The following EFS variants were observed in gnomAD, a reference collection of about 807,000 sequenced individuals.
EFS encodes Cas scaffolding protein family member 3.
A neutral mutation model predicts 42.2 loss-of-function variants in EFS; 34 were observed. The ratio of observed to expected loss-of-function variants is 0.81; its 90% confidence interval spans 0.61 to 1.07. EFS has a LOEUF of 1.07. Among genes scored for constraint, EFS ranks in the 50% least tolerant of loss-of-function variants. The probability of loss-of-function intolerance (pLI) is 0.00; values close to 1 mark genes in which losing one functional copy is unlikely to be tolerated. For missense variants in EFS, 717 were observed against 729.4 expected (o/e 0.98, Z 0.20); for synonymous variants, 299 against 320.7 (o/e 0.93, Z 0.72).
At position 23,357,484 on chromosome 14, in the gene EFS, C is replaced by A. The variant is rs1185549314; in HGVS notation, c.1428G>T (p.Arg476Ser). 1 of 1,613,932 alleles carries A rather than the reference C, an allele frequency of 6.2e-7. No homozygotes were observed. Among genetic ancestry groups the A allele is most frequent in the Non-Finnish European group, 8.5e-7 (1 of 1,180,024 alleles). Residue 476 changes from arginine (R) to serine (S), a missense_variant, in exon 6 of 6, where the codon AGG (arginine) becomes AGT (serine). Coordinates refer to ENST00000216733, the MANE Select transcript of EFS (RefSeq NM_005864.4). ...PPRLFVPHSK[R>S]VVVAAHRLVF... ...CCAGGCGATGAGCAGCCACCACCAC[C>A]CTCTTGCTGTGGGGCACGAAAAGGC...
intron 1 of EFS, among the ~76,000 whole-genome samples, chr14:23,362,029 G>C (rs187226892): frequency 6.7e-6 from 1 of 148,628 alleles, no homozygotes; most frequent in Non-Finnish European, 1.5e-5. Flanking sequence ...CTACTTAAAA[G>C]AAAGAGTAGT....
chr14:23,360,548 C>T lies in EFS; in HGVS notation c.297+7G>A. On this transcript the variant is annotated splice_region_variant and intron_variant, in intron 2 of 5. Transcript: ENST00000216733. The stretch of plus-strand genomic sequence containing the variant: ...TGGCTTGGGGTTGGGGAGGCTCCCA[C>T]TCTCACCTCCTGGTCCTCATTGCTG... 6.5e-7 allele frequency: 1 copy of T among 1,529,344 alleles called. No homozygotes were observed. Among genetic ancestry groups the T allele is most frequent in the Non-Finnish European group, 8.8e-7 (1 of 1,138,240 alleles). The allele number at this position is 1,529,344 out of a possible 1,614,324, so 94.7% of individuals were successfully genotyped here. A position where few individuals can be genotyped will look rare whatever the true frequency, so the allele number is the denominator to read the frequency against.
intron 4 of EFS, 59 bp from the exon 5 acceptor site, chr14:23,359,024 G>T: frequency 6.8e-7 from 1 of 1,476,844 alleles, no homozygotes; most frequent in Non-Finnish European, 9.2e-7. Context: ...GGTGGCCTCT[G>T]TGGCCTTTCT....
rs140113420 is a variant in EFS, at chr14:23,358,885, C to T, written c.1242G>A (p.Pro414=). The T allele has an allele frequency of 1.0e-4, 161 of 1,611,634 alleles. No individual in the cohort carries two copies. The highest frequency in any genetic ancestry group is 1.7e-4 in the Middle Eastern group (1 of 6,054). ...TTCCCGCCAGGGTCACCTGCGGCGCCGGCATCCCCCTCTCGGGCAGTTCAG... is the reference window on the plus strand; with the variant it reads ...TTCCCGCCAGGGTCACCTGCGGCGCTGGCATCCCCCTCTCGGGCAGTTCAG... ...GDPELPERGM[P]APQEALSPGE... is the part of the protein sequence containing the mutation. The change falls in exon 5 of 6, where the codon CCG becomes CCA. Residue 414 remains proline (P), a synonymous_variant. Coordinates refer to ENST00000216733, the MANE Select transcript of EFS (RefSeq NM_005864.4).
intron 3 of EFS, 51 bp from the exon 4 acceptor site, chr14:23,360,090 T>G: frequency 6.2e-7 from 1 of 1,614,090 alleles, no homozygotes; most frequent in Non-Finnish European, 8.5e-7. Context: ...GAACCCTCCC[T>G]TGGGGCCATT....
In EFS at chr14:23,356,663, G is replaced by A. The variant is rs1889915621; in HGVS notation, c.*563C>T. 1 of 152,198 alleles carries A rather than the reference G, an allele frequency of 6.6e-6. No homozygotes were observed. The highest frequency in any genetic ancestry group is 1.5e-5 in the Non-Finnish European group (1 of 68,044). 9.4% of individuals were successfully genotyped at this position (152,198 alleles called of 1,614,324 possible). A position where few individuals can be genotyped will look rare whatever the true frequency, so the allele number is the denominator to read the frequency against. Reference sequence around the variant, plus strand: ...TGCTCCCAAGAAGCAGAGTCAGGGAGGCAGACAGCAGGGTTTATTAAGGTG... The same window carrying A: ...TGCTCCCAAGAAGCAGAGTCAGGGAAGCAGACAGCAGGGTTTATTAAGGTG... On this transcript the variant is annotated 3_prime_UTR_variant, in exon 6 of 6. Transcript: ENST00000216733.
At position 23,357,357 on chromosome 14, in the gene EFS, C is replaced by G. The variant is rs1271508125; in HGVS notation, c.1555G>C (p.Val519Leu). ...TALGQALRAT[V>L]LAVKGAALGY... The stretch of plus-strand genomic sequence containing the variant: ...AGGGCAGCTCCCTTGACAGCCAGCA[C>G]AGTGGCCCGCAATGCCTGGCCCAGT... The change falls in exon 6 of 6, where the codon GTG (valine) becomes CTG (leucine). Residue 519 changes from valine to leucine, a missense_variant. Physicochemically the swap from Val to Leu is conservative, Grantham distance 32 (BLOSUM62 1). Transcript: ENST00000216733. 6.2e-7 allele frequency: 1 copy of G among 1,611,336 alleles called. No homozygotes were observed. Among genetic ancestry groups the G allele is most frequent in the Non-Finnish European group, 8.5e-7 (1 of 1,178,000 alleles).
chr14:23,358,852 T>C, intron 5 of EFS, 24 bp downstream of exon 5: 1 of 1,596,046 alleles, frequency 6.3e-7, no homozygotes, highest in Non-Finnish European at 8.5e-7. Flanking sequence ...TCCCCTTCTC[T>C]AGCACCATTC....
intron 1 of EFS, among the ~76,000 whole-genome samples, chr14:23,361,148 T>G (rs1000118659): frequency 6.6e-6 from 1 of 152,248 alleles, no homozygotes; most frequent in Non-Finnish European, 1.5e-5. Flanking sequence ...ATTTGCTTCT[T>G]TTGTATCGAT....
At chr14:23,358,993 CGGGG>C in intron 4 of EFS, 28 bp from the exon 5 acceptor site, 1 of 1,583,884 alleles carries the variant, frequency 6.3e-7, no homozygotes, top group Non-Finnish European at 8.6e-7. Flanking sequence ...GTCTCAGTGT[CGGGG>C]TGGGGGAGCA....
chr14:23,359,278 C>A (rs1205680568), intron 4 of EFS, 39 bp downstream of exon 4: 1 of 1,611,554 alleles, frequency 6.2e-7, no homozygotes, highest in Admixed American at 1.7e-5. Context: ...CTTGGTCCCT[C>A]TGGGGTCCCT....
At position 23,359,666 on chromosome 14, in the gene EFS, G is replaced by T. The variant is rs755594315; in HGVS notation, c.812C>A (p.Ala271Asp). 4.0e-6 allele frequency: 6 copies of T among 1,508,718 alleles called. No homozygotes were observed. Among genetic ancestry groups the T allele is most frequent in the African/African-American group, 2.8e-5 (2 of 71,050 alleles). 93.5% of individuals were successfully genotyped at this position (1,508,718 alleles called of 1,614,324 possible). ...EAPPSPEPPGALASHDQDTLA... is the reference protein window; with the variant it reads ...EAPPSPEPPGDLASHDQDTLA... ...GGTGTCCTGGTCATGGGAGGCCAAG[G>T]CTCCAGGGGGCTCTGGAGAAGGGGG... Residue 271 changes from alanine (A) to aspartate (D), a missense_variant, in exon 4 of 6, where the codon GCC (alanine) becomes GAC (aspartate). By Grantham distance (126) the Ala-to-Asp change is moderately radical (BLOSUM62 -2). Coordinates refer to ENST00000216733, the MANE Select transcript of EFS (RefSeq NM_005864.4).
chr14:23,363,432 A>G (rs938252763), intron 1 of EFS, among the ~76,000 whole-genome samples: 2 of 152,130 alleles, frequency 1.3e-5, no homozygotes, highest in Non-Finnish European at 2.9e-5. Flanking sequence ...AATAAATAAT[A>G]GCTGTTATTA....
chr14:23,357,266 G>T lies in EFS; in HGVS notation c.1646C>A (p.Ala549Asp). 1.3e-6 allele frequency: 2 copies of T among 1,579,816 alleles called. No homozygotes were observed. Among genetic ancestry groups the T allele is most frequent in the Non-Finnish European group, 1.7e-6 (2 of 1,156,590 alleles). The change falls in exon 6 of 6, where the codon GCC (alanine) becomes GAC (aspartate). Residue 549 changes from alanine (A) to aspartate (D), a missense_variant. Physicochemically the swap from Ala to Asp is moderately radical, Grantham distance 126. Coordinates refer to ENST00000216733, the MANE Select transcript of EFS (RefSeq NM_005864.4). ...AGTGAGCAGGGTAGTGAATTGCAGG[G>T]CCTGCCCTGCCAGTTCTGTTACACA... ...VQCVTELAGQ[A>D]LQFTTLLTSL...
intron 1 of EFS, among the ~76,000 whole-genome samples, chr14:23,364,534 C>T (rs373143050): frequency 1.2e-4 from 18 of 152,160 alleles, no homozygotes; most frequent in African/African-American, 4.1e-4. Context: ...CTCCTTTGCT[C>T]TATCTCCCTT....
chr14:23,359,382 C>G lies in EFS; in HGVS notation c.1096G>C (p.Ala366Pro). The change falls in exon 4 of 6, where the codon GCA (alanine) becomes CCA (proline). Residue 366 changes from alanine (A) to proline (P), a missense_variant. Transcript: ENST00000216733. Reference protein sequence around the residue: ...PEGREMEDDPAGHHNEYEGIP... With the variant: ...PEGREMEDDPPGHHNEYEGIP... ...CCCTCGTACTCATTGTGGTGTCCTG[C>G]TGGGTCATCCTCCATCTCCCTGCCC... 1 of 1,612,814 alleles carries G rather than the reference C, an allele frequency of 6.2e-7. No individual in the cohort carries two copies. The highest frequency in any genetic ancestry group is 8.5e-7 in the Non-Finnish European group (1 of 1,179,878).
In EFS at chr14:23,365,133, C is replaced by A. The variant is rs950510992; in HGVS notation, c.-108G>T. ...CGGCCTCTAGCCCCCAGCTGTGGCG[C>A]CTGAGTCGTGGCCTCCGCCAAGGTT... On this transcript the variant is annotated 5_prime_UTR_variant, in exon 1 of 6. Coordinates refer to ENST00000216733, the MANE Select transcript of EFS (RefSeq NM_005864.4). This position sits in a 1 kb window ranked among gnomAD's most constrained non-coding sequence, Gnocchi z 5.3. 1.1e-5 allele frequency: 12 copies of A among 1,085,986 alleles called. No individual in the cohort carries two copies. The highest frequency in any genetic ancestry group is 1.4e-5 in the Non-Finnish European group (12 of 840,596). 67.3% of individuals were successfully genotyped at this position (1,085,986 alleles called of 1,614,324 possible).
chr14:23,363,549 T>C (rs531768108), intron 1 of EFS, among the ~76,000 whole-genome samples: 3 of 152,324 alleles, frequency 2.0e-5, no homozygotes, highest in African/African-American at 7.2e-5. Context: ...AGTATCTCTA[T>C]GCCAGAGTAC....
At position 23,360,628 on chromosome 14, in the gene EFS, C is replaced by T; in HGVS notation, c.224G>A (p.Ser75Asn). ...CTGGGCTGGGGACGCAGGAGAGAGGCTGGGCTTGGGTGCTGGGCCAGCAGG... is the reference window on the plus strand; with the variant it reads ...CTGGGCTGGGGACGCAGGAGAGAGGTTGGGCTTGGGTGCTGGGCCAGCAGG... Reference protein sequence around the residue: ...LLPAGPAPKPSLSPASPAQPG... With the variant: ...LLPAGPAPKPNLSPASPAQPG... Residue 75 changes from serine (S) to asparagine (N), a missense_variant, in exon 2 of 6, where the codon AGC becomes AAC. Ser to Asn is a conservative substitution (Grantham distance 46). Coordinates refer to ENST00000216733, the MANE Select transcript of EFS (RefSeq NM_005864.4). The T allele has an allele frequency of 6.2e-7, 1 of 1,605,886 alleles. No homozygotes were observed. Among genetic ancestry groups the T allele is most frequent in the Non-Finnish European group, 8.5e-7 (1 of 1,175,360 alleles).
Sources: allele counts gnomAD v4.1 joint callset (sites outside exome capture counted in the v4.1 genomes callset), GRCh38; gene constraint gnomAD v4.1.1; non-coding constraint Gnocchi (gnomAD v3.1); transcripts MANE v1.5; gene names NCBI Gene and HGNC (gene_info 2026-07-23, HGNC 2026-07-21).